Variants in PTPRJ observed in about 807,000 individuals in gnomAD.
PTPRJ encodes the protein protein tyrosine phosphatase receptor type J, also known as receptor-type tyrosine-protein phosphatase eta.
PTPRJ carries 129 observed loss-of-function variants against 141.3 expected under a neutral mutation model. The ratio of observed to expected loss-of-function variants is 0.91; its 90% CI spans 0.79 to 1.06. PTPRJ has a LOEUF of 1.06. Among genes scored for constraint, PTPRJ ranks in the 50% least tolerant of loss-of-function variants. The pLI is 0.00. For synonymous variants in PTPRJ, 610 were observed against 640.5 expected (o/e 0.95, Z 0.72); for missense variants, 1,601 against 1,679.7 (o/e 0.95, Z 0.82).
At chr11:48,024,314 C>T (rs1850446191) in intron 1 of PTPRJ, among the ~76,000 whole-genome samples, 1 of 152,176 alleles carries the variant, frequency 6.6e-6, no homozygotes. Context: ...TCTCCTGTCT[C>T]AGCCTCCCGA....
chr11:48,000,244 G>A (rs960710393), intron 1 of PTPRJ, among the ~76,000 whole-genome samples: 2 of 150,866 alleles, frequency 1.3e-5, no homozygotes, highest in African/African-American at 4.9e-5. Context: ...GGGCTCAAGC[G>A]ATCCTCCTAC....
chr11:48,128,027 C>T lies in PTPRJ; in HGVS notation c.1341C>T (p.Phe447=). The T allele has an allele frequency of 5.0e-6, 8 of 1,613,086 alleles. No homozygotes were observed. Among genetic ancestry groups the T allele is most frequent in the Non-Finnish European group, 6.8e-6 (8 of 1,179,106 alleles). ...GTGACATCGAGGGCACGCCGGGCTT[C>T]CTCCAAGTGCACACCCGTGAGTTCA... The part of the protein sequence containing the change: ...VLGDIEGTPG[F]LQVHTPPVPV... Residue 447 remains phenylalanine (F), a synonymous_variant, in exon 7 of 25, where the codon TTC becomes TTT. Transcript: ENST00000418331.
chr11:48,036,009 G>T (rs1177465920), intron 1 of PTPRJ, among the ~76,000 whole-genome samples: 1 of 152,220 alleles, frequency 6.6e-6, no homozygotes, highest in Admixed American at 6.5e-5. Context: ...GGGAGAAGGG[G>T]AGACATGGTC....
chr11:47,997,469 G>A (rs922871686), intron 1 of PTPRJ, among the ~76,000 whole-genome samples: 2 of 152,288 alleles, frequency 1.3e-5, no homozygotes, highest in South Asian at 2.1e-4. Flanking sequence ...GGTTCACATC[G>A]ACTCCCTTCT....
chr11:48,106,747 TTTTC>T (rs1239553140), intron 1 of PTPRJ, among the ~76,000 whole-genome samples: 14 of 147,928 alleles, frequency 9.5e-5, no homozygotes, highest in South Asian at 4.2e-4. Context: ...TCTTCTTTTC[TTTTC>T]TTTCTTTCTT....
rs1857995898 is a variant in PTPRJ at position 48,169,125 on chromosome 11, AG to A, written c.*1766del. 6.6e-6 allele frequency: 1 copy of A among 152,176 alleles called. No homozygotes were observed. Among genetic ancestry groups the A allele is most frequent in the Non-Finnish European group, 1.5e-5 (1 of 68,040 alleles). 9.4% of individuals were successfully genotyped at this position (152,176 alleles called of 1,614,324 possible). On this transcript the variant is annotated 3_prime_UTR_variant, in exon 25 of 25. Transcript: ENST00000418331. ...GTTAATGGGTCTTTTAGGGTTCTAA[AG>A]GGTGAACCACACTTTTAAAGCCCCG...
rs569011917 is a variant in PTPRJ at position 48,117,931 on chromosome 11, A to G, written c.353-3072A>G. Among the ~76,000 whole-genome samples, 32 of 152,352 alleles carry G rather than the reference A, an allele frequency of 2.1e-4. No homozygotes were observed. The South Asian group carries it at 5.6e-3, about 27-fold the overall frequency. On this transcript the variant is annotated intron_variant, in intron 3 of 24. Coordinates refer to ENST00000418331, the MANE Select transcript of PTPRJ (RefSeq NM_002843.4). ...CAAAGGAACAATTATGAACAATTAT[A>G]TGCCAACAAATTGGATAACCTAGAA...
chr11:48,111,150 T>C (rs1429198915), intron 2 of PTPRJ, among the ~76,000 whole-genome samples: 1 of 151,684 alleles, frequency 6.6e-6, no homozygotes, highest in Non-Finnish European at 1.5e-5. Flanking sequence ...TGTGGTGGCA[T>C]GCACCTGTAA....
intron 11 of PTPRJ, among the ~76,000 whole-genome samples, chr11:48,141,356 G>T (rs976447938): frequency 5.3e-5 from 8 of 151,926 alleles, no homozygotes; most frequent in Non-Finnish European, 7.4e-5. Flanking sequence ...GCACAATCAT[G>T]GAGGCCATCC....
intron 1 of PTPRJ, among the ~76,000 whole-genome samples, chr11:48,036,473 A>G (rs900340871): frequency 2.0e-5 from 3 of 152,202 alleles, no homozygotes; most frequent in Non-Finnish European, 4.4e-5. Context: ...CGTATTTTTT[A>G]AATCCCTTTC....
Position 47,980,958 on chromosome 11 carries a change from G to T in PTPRJ, c.46G>T (p.Gly16Trp), listed in dbSNP as rs1189712349. ...GGCGCGGCTGCCTCCGCGCTCGCCCGGGCTGCGCTGGGCGCTGCCGCTGCT... is the reference window on the plus strand; with the variant it reads ...GGCGCGGCTGCCTCCGCGCTCGCCCTGGCTGCGCTGGGCGCTGCCGCTGCT... The part of the protein sequence containing the change: ...REARLPPRSP[G>W]LRWALPLLLL... The change falls in exon 1 of 25, where the codon GGG (glycine) becomes TGG (tryptophan). Residue 16 changes from glycine (G) to tryptophan (W), a missense_variant. Physicochemically the swap from Gly to Trp is radical, Grantham distance 184 (BLOSUM62 -2). Transcript: ENST00000418331. 1 of 1,204,552 alleles carries T rather than the reference G, an allele frequency of 8.3e-7. No homozygotes were observed. The highest frequency in any genetic ancestry group is 1.6e-5 in the African/African-American group (1 of 63,096). 74.6% of individuals were successfully genotyped at this position (1,204,552 alleles called of 1,614,324 possible). A position where few individuals can be genotyped will look rare whatever the true frequency, so the allele number is the denominator to read the frequency against.
chr11:48,121,153 A>G lies in PTPRJ; in HGVS notation c.503A>G (p.Gln168Arg), dbSNP rs1856696629. Residue 168 changes from glutamine (Q) to arginine (R), a missense_variant, in exon 4 of 25, where the codon CAA becomes CGA. Transcript: ENST00000418331. Reference sequence around the variant, plus strand: ...GAGAAGACAATTACTGTTGTGCATCAACCATGGTGTAACATCACAGGCTTA... The same window carrying G: ...GAGAAGACAATTACTGTTGTGCATCGACCATGGTGTAACATCACAGGCTTA... ...ENEKTITVVH[Q>R]PWCNITGLRP... The G allele has an allele frequency of 6.2e-7, 1 of 1,614,078 alleles. No homozygotes were observed. Among genetic ancestry groups the G allele is most frequent in the South Asian group, 1.1e-5 (1 of 91,086 alleles).
rs963132854 is a variant in PTPRJ, at chr11:48,088,336, A to G, written c.97-21722A>G. Reference sequence around the variant, plus strand: ...ACATTCTCATGACATCCTGGCAGATATCAAGACCAAAGAACATCCCATGTT... The same window carrying G: ...ACATTCTCATGACATCCTGGCAGATGTCAAGACCAAAGAACATCCCATGTT... On this transcript the variant is annotated intron_variant, in intron 1 of 24. Transcript: ENST00000418331. Among the ~76,000 whole-genome samples the G allele has an allele frequency of 1.2e-4, 19 of 152,238 alleles. 2 individuals carry two copies. The highest frequency in any genetic ancestry group is 1.2e-3 in the Admixed American group (18 of 15,282).
At position 48,150,264 on chromosome 11, in the gene PTPRJ, G is replaced by A; in HGVS notation, c.3138+81G>A. On this transcript the variant is annotated intron_variant, in intron 18 of 24. Coordinates refer to ENST00000418331, the MANE Select transcript of PTPRJ (RefSeq NM_002843.4). ...TCTGAGGGGAGTTGGTGGATGGGTGGCAGGTAGCTGAAAGAACACTCGAGG... is the reference window on the plus strand; with the variant it reads ...TCTGAGGGGAGTTGGTGGATGGGTGACAGGTAGCTGAAAGAACACTCGAGG... The A allele has an allele frequency of 4.2e-6, 5 of 1,192,238 alleles. No homozygotes were observed. In the South Asian group the frequency reaches 5.0e-5, roughly 12 times the overall value. The allele number at this position is 1,192,238 out of a possible 1,614,324, so 73.9% of individuals were successfully genotyped here. A position where few individuals can be genotyped will look rare whatever the true frequency, so the allele number is the denominator to read the frequency against.
intron 1 of PTPRJ, among the ~76,000 whole-genome samples, chr11:47,996,119 G>A (rs1854328589): frequency 6.6e-6 from 1 of 151,970 alleles, no homozygotes; most frequent in Non-Finnish European, 1.5e-5. Context: ...GGATCACAAG[G>A]TCAGGAGATC....
chr11:48,033,709 T>G (rs1045051356), intron 1 of PTPRJ, among the ~76,000 whole-genome samples: 1 of 152,116 alleles, frequency 6.6e-6, no homozygotes, highest in African/African-American at 2.4e-5. Context: ...GTACTTGAGA[T>G]CTGGCCTGGA....
intron 1 of PTPRJ, among the ~76,000 whole-genome samples, chr11:48,011,435 C>T (rs1227439655): frequency 1.3e-5 from 2 of 152,114 alleles, no homozygotes; most frequent in African/African-American, 2.4e-5. Flanking sequence ...CGATCAGGGG[C>T]TCAGAGTGTC....
At chr11:48,091,192 T>C (rs1855858958) in intron 1 of PTPRJ, among the ~76,000 whole-genome samples, 1 of 152,134 alleles carries the variant, frequency 6.6e-6, no homozygotes, top group Non-Finnish European at 1.5e-5. Context: ...GCAGGCGAGT[T>C]GTCTGGTCTT....
intron 3 of PTPRJ, among the ~76,000 whole-genome samples, chr11:48,119,738 G>T (rs946950740): frequency 2.0e-5 from 3 of 152,082 alleles, no homozygotes; most frequent in Admixed American, 6.5e-5. Context: ...ATGAATGTTT[G>T]TATATCCCAT....
Sources: allele counts gnomAD v4.1 joint callset (sites outside exome capture counted in the v4.1 genomes callset), GRCh38; gene constraint gnomAD v4.1.1; transcripts MANE v1.5; gene names NCBI Gene and HGNC (gene_info 2026-07-23, HGNC 2026-07-21).